Variants in CSNK1G1 observed in about 807,000 individuals in gnomAD.
CSNK1G1 encodes the protein casein kinase I isoform gamma-1.
A neutral mutation model predicts 59.6 loss-of-function variants in CSNK1G1; 22 were observed. That is an observed-to-expected ratio of 0.37 (90% CI 0.26 to 0.53). The LOEUF (loss-of-function observed/expected upper bound fraction) is 0.53, where lower values mean the gene tolerates loss of function less well. Among genes scored for constraint, CSNK1G1 ranks in the 20% least tolerant of loss-of-function variants. The pLI, the probability that CSNK1G1 is intolerant of heterozygous loss-of-function variation, is 0.89. For synonymous variants in CSNK1G1, 179 were observed against 177.1 expected, an observed-to-expected ratio of 1.01 and a Z score of -0.08; for missense variants, 384 against 519.5, an observed-to-expected ratio of 0.74 and a Z score of 2.54.
intron 1 of CSNK1G1, among the ~76,000 whole-genome samples, chr15:64,349,928 A>T (rs1566957546): frequency 6.6e-6 from 1 of 151,860 alleles, no homozygotes; most frequent in African/African-American, 2.4e-5. Flanking sequence ...AAAAAAAAAA[A>T]AAAAATTAAA....
At chr15:64,173,500 A>C (rs74019219) in intron 11 of CSNK1G1, among the ~76,000 whole-genome samples, 8,508 of 152,250 alleles carry the variant, frequency 0.056, 723 homozygotes, top group African/African-American at 0.18. Context: ...TTGGAAACTA[A>C]ATTCTTTTAA....
chr15:64,277,805 T>TAATAATATTGATATATTTA (rs1893792626), intron 2 of CSNK1G1, among the ~76,000 whole-genome samples: 1 of 134,808 alleles, frequency 7.4e-6, no homozygotes, highest in African/African-American at 2.8e-5. Flanking sequence ...ATATATTTAA[T>TAATAATATTGATATATTTA]ATATTAATAT....
At position 64,286,388 on chromosome 15, in the gene CSNK1G1, T is replaced by C. The variant is rs140158879; in HGVS notation, c.181+13931A>G. ...ATTGTTAACAATATTGTTAACAATA[T>C]ATTGTTAACTCATATTGTTAACATG... On this transcript the variant is annotated intron_variant, in intron 2 of 11. Transcript: ENST00000303052. Among the ~76,000 whole-genome samples the C allele has an allele frequency of 2.8e-4, 43 of 152,214 alleles. No individual in the cohort carries two copies. In the East Asian group the frequency reaches 5.0e-3, roughly 18 times the overall value.
chr15:64,262,387 G>C (rs1892741871), intron 2 of CSNK1G1, among the ~76,000 whole-genome samples: 1 of 152,216 alleles, frequency 6.6e-6, no homozygotes, highest in Non-Finnish European at 1.5e-5. Flanking sequence ...CCTGACGGAT[G>C]AACAGAGGAG....
chr15:64,346,077 G>A (rs979580920), intron 1 of CSNK1G1, among the ~76,000 whole-genome samples: 11 of 143,032 alleles, frequency 7.7e-5, no homozygotes, highest in Admixed American at 4.2e-4. Context: ...CACTGCACCC[G>A]GCAGAAAAAA....
At chr15:64,243,841 G>C (rs905595255) in intron 4 of CSNK1G1, among the ~76,000 whole-genome samples, 1 of 151,968 alleles carries the variant, frequency 6.6e-6, no homozygotes, top group Non-Finnish European at 1.5e-5. Flanking sequence ...CTGCACTCCA[G>C]CCTGGGTGAC....
chr15:64,342,531 C>T (rs1017421056), intron 1 of CSNK1G1: 2 of 152,106 alleles, frequency 1.3e-5, no homozygotes, highest in African/African-American at 4.8e-5. Flanking sequence ...TGCAGATCAC[C>T]ATCAGATTTA....
At chr15:64,277,168 A>T (rs1893675451) in intron 2 of CSNK1G1, among the ~76,000 whole-genome samples, 1 of 152,178 alleles carries the variant, frequency 6.6e-6, no homozygotes, top group Non-Finnish European at 1.5e-5. Flanking sequence ...TATAGATGTT[A>T]TTAATAAAGT....
Position 64,189,154 on chromosome 15 carries a change from A to T in CSNK1G1, c.1108-8700T>A, listed in dbSNP as rs188828231. Among the ~76,000 whole-genome samples, 556 of 152,250 alleles carry T rather than the reference A, an allele frequency of 3.7e-3. 3 individuals carry two copies. The highest frequency in any genetic ancestry group is 0.017 in the Middle Eastern group (5 of 294). ...AAAATAATAATAATAATAACAAAAA[A>T]AATAGCTACATCGTTTGCCTGGTTC... On this transcript the variant is annotated intron_variant, in intron 10 of 11. Transcript: ENST00000303052.
intron 4 of CSNK1G1, among the ~76,000 whole-genome samples, chr15:64,233,895 T>G (rs1322193575): frequency 6.6e-6 from 1 of 152,170 alleles, no homozygotes; most frequent in Non-Finnish European, 1.5e-5. Context: ...TTCACAAAAT[T>G]AAGCATTTGC....
rs556681896 is a variant in CSNK1G1, at chr15:64,325,555, T to G, written c.-224-24832A>C. ...CATTTCTATAACAAATTTACTCAAA[T>G]AGCAGAGAAGTAGATTCACAACTAC... On this transcript the variant is annotated intron_variant, in intron 1 of 11. Coordinates refer to ENST00000303052, the MANE Select transcript of CSNK1G1 (RefSeq NM_022048.5). Among the ~76,000 whole-genome samples, 5 of 152,308 alleles carry G rather than the reference T, an allele frequency of 3.3e-5. No homozygotes were observed. The East Asian group carries it at 7.7e-4, about 23-fold the overall frequency.
At chr15:64,303,753 G>GAAA (rs66734118) in intron 1 of CSNK1G1, among the ~76,000 whole-genome samples, 1 of 114,078 alleles carries the variant, frequency 8.8e-6, no homozygotes, top group African/African-American at 3.2e-5. Flanking sequence ...CCCGTCTCAA[G>GAAA]AAAAAAAAAA....
Position 64,171,729 on chromosome 15 carries a change from C to G in CSNK1G1, c.*202G>C, listed in dbSNP as rs932074027. On this transcript the variant is annotated 3_prime_UTR_variant, in exon 12 of 12. Coordinates refer to ENST00000303052, the MANE Select transcript of CSNK1G1 (RefSeq NM_022048.5). The surrounding 1 kb of genome is among the most constrained non-coding windows in gnomAD (Gnocchi z 4.8). ...CAGCAGCTCTGGGACCTGCTCAGAG[C>G]CTTAGGCAGGCGGAGATGGCCAATG... The G allele has an allele frequency of 1.6e-6, 1 of 608,380 alleles. No individual in the cohort carries two copies. The allele number at this position is 608,380 out of a possible 1,614,324, so 37.7% of individuals were successfully genotyped here.
Position 64,167,276 on chromosome 15 carries a change from CTTT to C in CSNK1G1, c.*4652_*4654del, listed in dbSNP as rs1303789398. The C allele has an allele frequency of 6.6e-6, 1 of 152,160 alleles. No individual in the cohort carries two copies. Among genetic ancestry groups the C allele is most frequent in the Non-Finnish European group, 1.5e-5 (1 of 68,014 alleles). The allele number at this position is 152,160 out of a possible 1,614,324, so 9.4% of individuals were successfully genotyped here. ...CACATAAGGGCCATGGTTGCCTCTT[CTTT>C]TTCTTATTCAGAAACAAAATCACCC... On this transcript the variant is annotated 3_prime_UTR_variant, in exon 12 of 12. Transcript: ENST00000303052.
Position 64,167,791 on chromosome 15 carries a change from T to G in CSNK1G1, c.*4140A>C, listed in dbSNP as rs989325750. 3.3e-5 allele frequency: 5 copies of G among 152,536 alleles called. No individual in the cohort carries two copies. Among genetic ancestry groups the G allele is most frequent in the African/African-American group, 1.2e-4 (5 of 41,456 alleles). 9.4% of individuals were successfully genotyped at this position (152,536 alleles called of 1,614,324 possible). On this transcript the variant is annotated 3_prime_UTR_variant, in exon 12 of 12. Transcript: ENST00000303052. ...GCTTGGGAGATGCATCAAACGAAAG[T>G]TCCTCTGAGAAGACGTTTTCTTGGC...
In CSNK1G1 at chr15:64,318,083, G is replaced by A. The variant is rs377327255; in HGVS notation, c.-224-17360C>T. 4.6e-5 allele frequency among the ~76,000 whole-genome samples: 7 copies of A among 152,132 alleles called. No individual in the cohort carries two copies. In the South Asian group the frequency reaches 6.2e-4, roughly 14 times the overall value. On this transcript the variant is annotated intron_variant, in intron 1 of 11. Coordinates refer to ENST00000303052, the MANE Select transcript of CSNK1G1 (RefSeq NM_022048.5). ...AGGTGGGGAGTTCTTCCAGGTAGAA[G>A]TAAGCCAACTGTGATATTAAGAGCT...
intron 4 of CSNK1G1, among the ~76,000 whole-genome samples, chr15:64,225,380 GC>G (rs1393041497): frequency 6.6e-6 from 1 of 152,014 alleles, no homozygotes; most frequent in Non-Finnish European, 1.5e-5. Flanking sequence ...CAGGCCAAAG[GC>G]CCATCCCTCT....
rs2082239908 is a variant in CSNK1G1, at chr15:64,210,769, C to G, written c.679+3121G>C. Among the ~76,000 whole-genome samples, 1 of 152,132 alleles carries G rather than the reference C, an allele frequency of 6.6e-6. No individual in the cohort carries two copies. Among genetic ancestry groups the G allele is most frequent in the Admixed American group, 6.5e-5 (1 of 15,276 alleles). ...TCTGGATTTCTGTCCTTCCCCCGGACCCCCCAACACACACAAACCTCACGT... is the reference window on the plus strand; with the variant it reads ...TCTGGATTTCTGTCCTTCCCCCGGAGCCCCCAACACACACAAACCTCACGT... On this transcript the variant is annotated intron_variant, in intron 6 of 11. Coordinates refer to ENST00000303052, the MANE Select transcript of CSNK1G1 (RefSeq NM_022048.5). The surrounding 1 kb of genome is among the most constrained non-coding windows in gnomAD (Gnocchi z 4.2).
At chr15:64,192,320 T>C (rs2081982696) in intron 10 of CSNK1G1, among the ~76,000 whole-genome samples, 2 of 152,206 alleles carry the variant, frequency 1.3e-5, no homozygotes, top group Admixed American at 6.5e-5. Context: ...GAATCTCAAG[T>C]AGTGGTAACT....
Sources: gnomAD v4.1 joint callset for allele counts (sites outside exome capture counted in the v4.1 genomes callset) on GRCh38, gnomAD v4.1.1 for gene constraint, Gnocchi (gnomAD v3.1) non-coding constraint, MANE v1.5 for transcripts, NCBI Gene and HGNC (gene_info 2026-07-23, HGNC 2026-07-21) for gene names.